The following LINGO2 variants were observed in gnomAD, a reference collection of about 807,000 sequenced individuals.
LINGO2 encodes the protein leucine rich repeat and Ig domain containing 2.
LINGO2 carries 14 observed loss-of-function variants against 30.6 expected under a neutral mutation model. The ratio of observed to expected loss-of-function variants is 0.46; its 90% CI spans 0.30 to 0.72. The LOEUF (loss-of-function observed/expected upper bound fraction) is 0.72. Among genes scored for constraint, LINGO2 ranks in the 30% least tolerant of loss-of-function variants. The probability of loss-of-function intolerance (pLI) is 0.07; values close to 1 mark genes in which losing one functional copy is unlikely to be tolerated. For synonymous variants in LINGO2, 317 were observed against 288.5 expected, an observed-to-expected ratio of 1.10 and a Z score of -1.00; for missense variants, 729 against 751.7, an observed-to-expected ratio of 0.97 and a Z score of 0.35.
chr9:28,319,170 C>G (rs1013446524), intron 3 of LINGO2, among the ~76,000 whole-genome samples: 1 of 152,128 alleles, frequency 6.6e-6, no homozygotes, highest in African/African-American at 2.4e-5. Flanking sequence ...TCAAATTTAA[C>G]ACAATGTATA....
At chr9:28,163,448 C>A (rs1828342553) in intron 4 of LINGO2, among the ~76,000 whole-genome samples, 1 of 151,956 alleles carries the variant, frequency 6.6e-6, no homozygotes, top group Non-Finnish European at 1.5e-5. Flanking sequence ...ATACTTGAAA[C>A]AATCCAATAG....
chr9:29,091,216 C>T, the LINGO2 span, among the ~76,000 whole-genome samples: 1 of 151,960 alleles, frequency 6.6e-6, no homozygotes, highest in South Asian at 2.1e-4. Context: ...GTAAAAGCAA[C>T]AAACGAATGC....
intron 4 of LINGO2, among the ~76,000 whole-genome samples, chr9:28,228,946 A>T (rs1821263681): frequency 6.6e-6 from 1 of 151,716 alleles, no homozygotes; most frequent in African/African-American, 2.4e-5. Flanking sequence ...TTCTTTTCTT[A>T]TTCCTGTATT....
At chr9:27,987,033 C>CT (rs1245060595) in intron 5 of LINGO2, among the ~76,000 whole-genome samples, 2 of 150,894 alleles carry the variant, frequency 1.3e-5, no homozygotes, top group African/African-American at 2.5e-5. Context: ...TTATGGTCGA[C>CT]TTTTTTTTGT....
intron 1 of LINGO2, among the ~76,000 whole-genome samples, chr9:28,639,649 C>T (rs1173140946): frequency 6.6e-6 from 1 of 151,790 alleles, no homozygotes; most frequent in African/African-American, 2.4e-5. Flanking sequence ...CAACCCCTGC[C>T]TTCTTTTGTT....
the LINGO2 span, among the ~76,000 whole-genome samples, chr9:28,736,243 AC>A: frequency 4.6e-5 from 7 of 152,160 alleles, no homozygotes; most frequent in African/African-American, 1.7e-4. Context: ...CAATGGACTC[AC>A]CCTGACTGAA....
At chr9:28,281,806 T>C (rs1290266454) in intron 4 of LINGO2, among the ~76,000 whole-genome samples, 2 of 152,128 alleles carry the variant, frequency 1.3e-5, no homozygotes, top group East Asian at 1.9e-4. Context: ...GTGATTCTGA[T>C]TTGTGACAGA....
chr9:27,964,762 C>T (rs1820014821), intron 5 of LINGO2, among the ~76,000 whole-genome samples: 1 of 152,144 alleles, frequency 6.6e-6, no homozygotes, highest in South Asian at 2.1e-4. Flanking sequence ...CTTCAGGATC[C>T]ACAATCAAGA....
intron 2 of LINGO2, among the ~76,000 whole-genome samples, chr9:28,434,476 C>A (rs953872794): frequency 4.0e-5 from 6 of 150,288 alleles, no homozygotes; most frequent in Non-Finnish European, 7.4e-5. Context: ...AACCTGCTTT[C>A]TCTATAACTA....
chr9:28,248,505 C>A (rs900549589), intron 4 of LINGO2, among the ~76,000 whole-genome samples: 3 of 152,142 alleles, frequency 2.0e-5, no homozygotes, highest in Admixed American at 2.0e-4. Context: ...AGATTGTTGA[C>A]GGGCACAAAA....
At chr9:28,571,900 T>C (rs1170936114) in intron 1 of LINGO2, among the ~76,000 whole-genome samples, 1 of 152,080 alleles carries the variant, frequency 6.6e-6, no homozygotes, top group African/African-American at 2.4e-5. Flanking sequence ...AGCTAATTTG[T>C]TCCCAAACTT....
At chr9:28,114,115 G>T (rs1826858299) in intron 4 of LINGO2, among the ~76,000 whole-genome samples, 1 of 59,328 alleles carries the variant, frequency 1.7e-5, no homozygotes, top group Non-Finnish European at 4.0e-5. Flanking sequence ...ACAGTTTTTA[G>T]CATGAAGGGT....
chr9:28,029,824 ATGTATTAT>A (rs1229230898), intron 4 of LINGO2, among the ~76,000 whole-genome samples: 3 of 152,218 alleles, frequency 2.0e-5, no homozygotes, highest in Non-Finnish European at 4.4e-5. Flanking sequence ...CAACTGTTGT[ATGTATTAT>A]TAACTTGCAA....
intron 1 of LINGO2, among the ~76,000 whole-genome samples, chr9:28,538,218 T>C (rs1294154368): frequency 6.6e-6 from 1 of 151,724 alleles, no homozygotes; most frequent in Non-Finnish European, 1.5e-5. Context: ...TAGTGGAGTA[T>C]AAAATAAAAA....
intron 4 of LINGO2, among the ~76,000 whole-genome samples, chr9:28,229,469 A>G (rs1821283342): frequency 6.6e-6 from 1 of 151,778 alleles, no homozygotes; most frequent in South Asian, 2.1e-4. Flanking sequence ...AAGAAGATGA[A>G]GAACAAGAGG....
intron 4 of LINGO2, among the ~76,000 whole-genome samples, chr9:28,048,844 CTA>C (rs34965220): frequency 1.5e-4 from 23 of 150,264 alleles, no homozygotes; most frequent in South Asian, 4.3e-4. Context: ...ATATATGTAA[CTA>C]TATATATATG....
chr9:28,675,942 C>T, the LINGO2 span, among the ~76,000 whole-genome samples: 1 of 144,480 alleles, frequency 6.9e-6, no homozygotes, highest in Admixed American at 6.9e-5. Flanking sequence ...CACACACACA[C>T]ACACACACAG....
intron 4 of LINGO2, among the ~76,000 whole-genome samples, chr9:28,088,020 T>A (rs968289031): frequency 6.6e-6 from 1 of 152,018 alleles, no homozygotes. Flanking sequence ...TATTTGGATG[T>A]CCAGTGAAGC....
chr9:28,370,247 G>A (rs1468048328), intron 3 of LINGO2, among the ~76,000 whole-genome samples: 4 of 151,934 alleles, frequency 2.6e-5, no homozygotes, highest in African/African-American at 7.3e-5. Flanking sequence ...CTCTTCAGTC[G>A]CTCTAATGGT....
Sources: gnomAD v4.1 joint callset for allele counts (sites outside exome capture counted in the v4.1 genomes callset) on GRCh38, gnomAD v4.1.1 for gene constraint, MANE v1.5 for transcripts, NCBI Gene and HGNC (gene_info 2026-07-23, HGNC 2026-07-21) for gene names.